Variants in HSPH1 observed in about 807,000 individuals in gnomAD.
HSPH1 encodes heat shock protein family H (Hsp110) member 1, also known as heat shock protein 105 kDa.
Under a neutral mutation model 100.0 loss-of-function variants are expected in HSPH1, and 40 were observed. That is an observed-to-expected ratio of 0.40 (90% CI 0.31 to 0.52). The LOEUF (loss-of-function observed/expected upper bound fraction) is 0.52. HSPH1 is among the 20% of genes least tolerant of loss of function. The pLI is 0.54. For synonymous variants in HSPH1, 403 were observed against 344.0 expected, an observed-to-expected ratio of 1.17 and a Z score of -1.90; for missense variants, 876 against 1,015.1, an observed-to-expected ratio of 0.86 and a Z score of 1.86.
intron 4 of HSPH1, 133 bp downstream of exon 4, chr13:31,154,500 C>T (rs746786102): frequency 9.9e-7 from 1 of 1,008,316 alleles, no homozygotes; most frequent in Non-Finnish European, 1.5e-6. Context: ...TGCTCTGGAA[C>T]ACATGTTAAT....
At chr13:31,152,771 T>TAAAA in intron 5 of HSPH1, 81 bp downstream of exon 5, 1 of 959,502 alleles carries the variant, frequency 1.0e-6, no homozygotes, top group South Asian at 1.3e-5. Flanking sequence ...TGTGTTTCTG[T>TAAAA]ATCTATAAGA....
Position 31,138,514 on chromosome 13 carries a change from C to G in HSPH1, c.2263G>C (p.Val755Leu). The G allele has an allele frequency of 6.2e-7, 1 of 1,613,102 alleles. No homozygotes were observed. The highest frequency in any genetic ancestry group is 8.5e-7 in the Non-Finnish European group (1 of 1,179,278). The change falls in exon 17 of 18, where the codon GTT (valine) becomes CTT (leucine). Residue 755 changes from valine (V) to leucine (L), a missense_variant. By Grantham distance (32) the Val-to-Leu change is conservative. Transcript: ENST00000320027. ...ESEMKKVEKSVNEVMEWMNNV... is the reference protein window; with the variant it reads ...ESEMKKVEKSLNEVMEWMNNV... ...TTCATCCATTCCATCACTTCATTAA[C>G]AGACTTCTCCACTTTTTTCATTTCA...
chr13:31,142,038 T>C (rs1372287474), intron 12 of HSPH1, among the ~76,000 whole-genome samples: 1 of 152,086 alleles, frequency 6.6e-6, no homozygotes, highest in Non-Finnish European at 1.5e-5. Context: ...TTTCCATTTC[T>C]GCAGGTTCCT....
chr13:31,162,032 A>G, upstream of HSPH1: 8 of 1,536,042 alleles, frequency 5.2e-6, no homozygotes, highest in Non-Finnish European at 6.1e-6. Flanking sequence ...CTTCTTCTCG[A>G]GCCTTCTGGA....
Position 31,135,481 on chromosome 13 carries a change from T to C in HSPH1, c.*1837A>G, listed in dbSNP as rs1955862298. 6.6e-6 allele frequency: 1 copy of C among 152,182 alleles called. No individual in the cohort carries two copies. The highest frequency in any genetic ancestry group is 6.5e-5 in the Admixed American group (1 of 15,278). The allele number at this position is 152,182 out of a possible 1,614,324, so 9.4% of individuals were successfully genotyped here. On this transcript the variant is annotated 3_prime_UTR_variant, in exon 18 of 18. Coordinates refer to ENST00000320027, the MANE Select transcript of HSPH1 (RefSeq NM_006644.4). ...TGCTAAATGGTAAAGCAGCTAGAAATTATAAAGTAGGGAAATGTTGAATAG... is the reference window on the plus strand; with the variant it reads ...TGCTAAATGGTAAAGCAGCTAGAAACTATAAAGTAGGGAAATGTTGAATAG...
chr13:31,139,647 T>C lies in HSPH1; in HGVS notation c.1980+537A>G, dbSNP rs57150696. Among the ~76,000 whole-genome samples the C allele has an allele frequency of 4.6e-3, 701 of 152,214 alleles. 7 individuals are homozygous for C. Among genetic ancestry groups the C allele is most frequent in the African/African-American group, 0.016 (678 of 41,554 alleles). On this transcript the variant is annotated intron_variant, in intron 14 of 17. Coordinates refer to ENST00000320027, the MANE Select transcript of HSPH1 (RefSeq NM_006644.4). ...ATAAAACAGACTCCAAATTTCACTTTAAATGACCCGTAACTAAATCCTAGA... is the reference window on the plus strand; with the variant it reads ...ATAAAACAGACTCCAAATTTCACTTCAAATGACCCGTAACTAAATCCTAGA...
chr13:31,147,269 C>T (rs1566003155), intron 10 of HSPH1, among the ~76,000 whole-genome samples: 1 of 152,100 alleles, frequency 6.6e-6, no homozygotes, highest in Non-Finnish European at 1.5e-5. Context: ...TAACAATACA[C>T]CACAACTCTG....
chr13:31,161,687 GC>G lies in HSPH1; in HGVS notation c.-106del, dbSNP rs755657563. 4 of 1,549,738 alleles carry G rather than the reference GC, an allele frequency of 2.6e-6. No individual in the cohort carries two copies. The highest frequency in any genetic ancestry group is 3.5e-6 in the Non-Finnish European group (4 of 1,154,246). On this transcript the variant is annotated 5_prime_UTR_variant, in exon 1 of 18. Coordinates refer to ENST00000320027, the MANE Select transcript of HSPH1 (RefSeq NM_006644.4). ...TCTGCCCTGGCCGCGTTCTGCTCCG[GC>G]CCGCGGGGTCTGGCCGTTCCTCTGA... is the stretch of plus-strand genomic sequence containing the variant.
intron 11 of HSPH1, 23 bp from the exon 12 acceptor site, chr13:31,143,946 A>G: frequency 6.4e-7 from 1 of 1,563,754 alleles, no homozygotes; most frequent in Admixed American, 1.9e-5. Flanking sequence ...CCCAGGCACA[A>G]AGGATGTAGA....
intron 14 of HSPH1, 39 bp from the exon 15 acceptor site, chr13:31,139,146 T>C (rs1402587201): frequency 8.2e-7 from 1 of 1,212,304 alleles, no homozygotes; most frequent in African/African-American, 1.5e-5. Flanking sequence ...GCACTCGTAC[T>C]TCAGAATTTT....
intron 8 of HSPH1, among the ~76,000 whole-genome samples, chr13:31,149,630 G>C (rs555113042): frequency 6.6e-6 from 1 of 152,198 alleles, no homozygotes; most frequent in African/African-American, 2.4e-5. Context: ...GATTACCACT[G>C]TAATTCCCTG....
rs1409702918 is a variant in HSPH1, at chr13:31,137,451, G to A, written c.2444C>T (p.Thr815Ile). Residue 815 changes from threonine to isoleucine, a missense_variant, in exon 18 of 18, where the codon ACT (threonine) becomes ATT (isoleucine). Thr to Ile is a moderately conservative substitution (Grantham distance 89, BLOSUM62 -1). Transcript: ENST00000320027. ...TTTATCAATATTTGGGCCATTTGGA[G>A]TTCTTTCCAGTTTGGGTGATTCAAT... ...PKIESPKLER[T>I]PNGPNIDKKE... The A allele has an allele frequency of 3.7e-6, 6 of 1,613,586 alleles. No homozygotes were observed. Among genetic ancestry groups the A allele is most frequent in the Non-Finnish European group, 5.1e-6 (6 of 1,179,716 alleles).
At chr13:31,154,867 G>A in intron 3 of HSPH1, 112 bp from the exon 4 acceptor site, 1 of 892,974 alleles carries the variant, frequency 1.1e-6, no homozygotes, top group Non-Finnish European at 1.7e-6. Context: ...TTATTTTATT[G>A]TTGTAGTTGT....
chr13:31,149,890 G>A, intron 8 of HSPH1, 64 bp downstream of exon 8: 1 of 1,283,022 alleles, frequency 7.8e-7, no homozygotes, highest in Non-Finnish European at 1.1e-6. Flanking sequence ...ATCCCACCAT[G>A]ACGACATCCA....
At position 31,135,091 on chromosome 13, in the gene HSPH1, C is replaced by T. The variant is rs1231701211; in HGVS notation, c.*2227G>A. On this transcript the variant is annotated 3_prime_UTR_variant, in exon 18 of 18. Transcript: ENST00000320027. Reference sequence around the variant, plus strand: ...AACTGGTGCATATCTTTGAGATCCTCGATGATTACTAGGTATATATCACAA... The same window carrying T: ...AACTGGTGCATATCTTTGAGATCCTTGATGATTACTAGGTATATATCACAA... 1.3e-5 allele frequency: 2 copies of T among 152,116 alleles called. No individual in the cohort carries two copies. Among genetic ancestry groups the T allele is most frequent in the East Asian group, 1.9e-4 (1 of 5,198 alleles). The allele number at this position is 152,116 out of a possible 1,614,324, so 9.4% of individuals were successfully genotyped here.
rs554992828 is a variant in HSPH1, at chr13:31,161,493, G to A, written c.90C>T (p.Phe30=). ...AGGIETIANE[F]SDRCTPSVIS... ...CCACTTACGGGGTGCACCGGTCGCT[G>A]AACTCATTGGCGATGGTCTCGATGC... The change falls in exon 1 of 18, where the codon TTC becomes TTT. Residue 30 remains phenylalanine (F), a synonymous_variant. Transcript: ENST00000320027. 1.2e-6 allele frequency: 2 copies of A among 1,614,052 alleles called. No homozygotes were observed. The highest frequency in any genetic ancestry group is 2.2e-5 in the East Asian group (1 of 44,860).
At position 31,148,238 on chromosome 13, in the gene HSPH1, G is replaced by C. The variant is rs910712546; in HGVS notation, c.1244+136C>G. 2.8e-6 allele frequency: 3 copies of C among 1,079,444 alleles called. No individual in the cohort carries two copies. The African/African-American group carries it at 4.9e-5, about 18-fold the overall frequency. The allele number at this position is 1,079,444 out of a possible 1,614,324, so 66.9% of individuals were successfully genotyped here. A position where few individuals can be genotyped will look rare whatever the true frequency, so the allele number is the denominator to read the frequency against. On this transcript the variant is annotated intron_variant, in intron 9 of 17. Transcript: ENST00000320027. ...CCAAAATGAGAGAAATATTTTGGTA[G>C]ATTTGGTTGTTCAAAGATTCCAGGT...
chr13:31,140,433 A>G (rs750515174), intron 13 of HSPH1, 124 bp from the exon 14 acceptor site: 86 of 709,298 alleles, frequency 1.2e-4, no homozygotes, highest in Non-Finnish European at 1.7e-4. Context: ...CACAGTTCCA[A>G]CTTATACCTT....
chr13:31,150,157 C>G lies in HSPH1; in HGVS notation c.934G>C (p.Glu312Gln). ...NRSQFEELCA[E>Q]LLQKIEVPLY... Reference sequence around the variant, plus strand: ...GGTACTTCTATCTTTTGCAGAAGTTCAGCACAGAGTTCTTCAAATTGTGAC... The same window carrying G: ...GGTACTTCTATCTTTTGCAGAAGTTGAGCACAGAGTTCTTCAAATTGTGAC... Residue 312 changes from glutamate to glutamine, a missense_variant, in exon 8 of 18, where the codon GAA becomes CAA. Glu to Gln is a conservative substitution (Grantham distance 29). Coordinates refer to ENST00000320027, the MANE Select transcript of HSPH1 (RefSeq NM_006644.4). 6.2e-7 allele frequency: 1 copy of G among 1,603,012 alleles called. No homozygotes were observed. The highest frequency in any genetic ancestry group is 8.5e-7 in the Non-Finnish European group (1 of 1,172,718).
Sources: allele counts gnomAD v4.1 joint callset (sites outside exome capture counted in the v4.1 genomes callset), GRCh38; gene constraint gnomAD v4.1.1; transcripts MANE v1.5; gene names NCBI Gene and HGNC (gene_info 2026-07-23, HGNC 2026-07-21).